The following POLRMT variants were observed in gnomAD, a reference collection of about 807,000 sequenced individuals.
The protein encoded by POLRMT is DNA-directed RNA polymerase, mitochondrial.
POLRMT carries 114 observed loss-of-function variants against 132.2 expected under a neutral mutation model. That is an observed-to-expected ratio of 0.86 (90% CI 0.74 to 1.01). The LOEUF is 1.01. POLRMT is among the 50% of genes least tolerant of loss of function. The probability of loss-of-function intolerance (pLI) is 0.00; values close to 1 mark genes in which losing one functional copy is unlikely to be tolerated. For synonymous variants in POLRMT, 1,020 were observed against 773.4 expected (o/e 1.32, Z -5.29); for missense variants, 2,003 against 1,729.1 (o/e 1.16, Z -2.81).
chr19:620,918 CGGGCAGGGGGCGCCAGGGGAGGGGGAGG>C, intron 10 of POLRMT, 112 bp downstream of exon 10: 2 of 115,372 alleles, frequency 1.7e-5, no homozygotes, highest in East Asian at 1.8e-4. Flanking sequence ...AGGAGGAAGA[CGGGCAGGGGGCGCCAGGGGAGGGGGAGG>C]GGAGGAGGAA....
At position 629,939 on chromosome 19, in the gene POLRMT, C is replaced by G. The variant is rs1292133164; in HGVS notation, c.423G>C (p.Lys141Asn). Residue 141 changes from lysine to asparagine, a missense_variant, in exon 3 of 21, where the codon AAG becomes AAC. Transcript: ENST00000588649. ...RTQQMRMQRL[K>N]AKLQMPFQSG... ...TCTGGAATGGCATCTGCAGCTTCGC[C>G]TTCAACCGCTGCATACGCATCTGCT... 1 of 1,613,766 alleles carries G rather than the reference C, an allele frequency of 6.2e-7. No individual in the cohort carries two copies. Among genetic ancestry groups the G allele is most frequent in the Non-Finnish European group, 8.5e-7 (1 of 1,180,026 alleles).
At position 630,062 on chromosome 19, in the gene POLRMT, G is replaced by A. The variant is rs765426213; in HGVS notation, c.300C>T (p.Ser100=). ...RLPECGSGDG[S]LQPPRKVQMG... ...TCTGGACCTTCCTGGGTGGCTGGAGGCTACCATCTCCACTGCCACATTCTG... is the reference window on the plus strand; with the variant it reads ...TCTGGACCTTCCTGGGTGGCTGGAGACTACCATCTCCACTGCCACATTCTG... The change falls in exon 3 of 21, where the codon AGC becomes AGT. Residue 100 remains serine (S), a synonymous_variant. Transcript: ENST00000588649. 12 of 1,613,828 alleles carry A rather than the reference G, an allele frequency of 7.4e-6. No homozygotes were observed. Among genetic ancestry groups the A allele is most frequent in the South Asian group, 3.3e-5 (3 of 91,082 alleles).
In POLRMT at chr19:622,890, C is replaced by T. The variant is rs1317681753; in HGVS notation, c.1386G>A (p.Glu462=). The T allele has an allele frequency of 4.3e-6, 7 of 1,611,696 alleles. No individual in the cohort carries two copies. The highest frequency in any genetic ancestry group is 1.1e-5 in the South Asian group (1 of 90,670). ...TKNRLEREVY[E]GRFSLYPFLC... ...GGAAGGGGTAAAGTGAGAACCGGCC[C>T]TCGTACACCTCGCGCTCTAGGCGGT... The change falls in exon 7 of 21, where the codon GAG becomes GAA. Residue 462 remains glutamate, a synonymous_variant. Coordinates refer to ENST00000588649, the MANE Select transcript of POLRMT (RefSeq NM_005035.4).
At chr19:632,093 T>C (rs1293005121) in intron 2 of POLRMT, among the ~76,000 whole-genome samples, 1 of 146,414 alleles carries the variant, frequency 6.8e-6, no homozygotes, top group Non-Finnish European at 1.5e-5. Flanking sequence ...GACCTCTTGA[T>C]CCGCCCACCT....
At chr19:628,727 G>A (rs969158238) in intron 3 of POLRMT, among the ~76,000 whole-genome samples, 3 of 152,124 alleles carry the variant, frequency 2.0e-5, no homozygotes, top group Admixed American at 6.5e-5. Flanking sequence ...AACTTTGGCC[G>A]GATACGGTGG....
chr19:617,929 G>C, intron 17 of POLRMT, 80 bp from the exon 18 acceptor site: 1 of 1,358,088 alleles, frequency 7.4e-7, no homozygotes, highest in Admixed American at 1.8e-5. Flanking sequence ...CCTGCGCTCA[G>C]CCCCCTCCAC....
intron 2 of POLRMT, among the ~76,000 whole-genome samples, chr19:631,338 A>AAGGGGG (rs764803872): frequency 8.8e-6 from 1 of 113,360 alleles, no homozygotes. Context: ...AAAAAAAAAA[A>AAGGGGG]GGGGGGGGGG....
chr19:624,229 T>C (rs1036685562), intron 5 of POLRMT, among the ~76,000 whole-genome samples: 4 of 152,034 alleles, frequency 2.6e-5, no homozygotes, highest in Non-Finnish European at 5.9e-5. Context: ...TCTCGCAGTG[T>C]GTGGTCCCAT....
At chr19:632,662 C>T (rs1222760874) in intron 2 of POLRMT, among the ~76,000 whole-genome samples, 172 bp downstream of exon 2, 1 of 152,182 alleles carries the variant, frequency 6.6e-6, no homozygotes, top group African/African-American at 2.4e-5. Context: ...TCAGCAAGGA[C>T]AGGGCCCATG....
In POLRMT at chr19:619,979, C is replaced by A. The variant is rs758500636; in HGVS notation, c.2865G>T (p.Val955=). 3.1e-6 allele frequency: 5 copies of A among 1,599,398 alleles called. No individual in the cohort carries two copies. The highest frequency in any genetic ancestry group is 4.2e-6 in the Non-Finnish European group (5 of 1,176,854). ...NLEPSDVPQD[V]YSGVAAQVEV... is the part of the protein sequence containing the mutation. ...CTACCTGCGCGGCCACGCCGCTGTA[C>A]ACGTCCTGCGGCACATCCGAGGGCT... The change falls in exon 12 of 21, where the codon GTG becomes GTT. Residue 955 remains valine (V), a synonymous_variant. Transcript: ENST00000588649.
In POLRMT at chr19:623,547, G is replaced by C. The variant is rs1473812128; in HGVS notation, c.1197C>G (p.Leu399=). 2 of 1,613,732 alleles carry C rather than the reference G, an allele frequency of 1.2e-6. No homozygotes were observed. The highest frequency in any genetic ancestry group is 1.7e-5 in the Admixed American group (1 of 60,026). Residue 399 remains leucine, a synonymous_variant, in exon 6 of 21, where the codon CTC becomes CTG. Coordinates refer to ENST00000588649, the MANE Select transcript of POLRMT (RefSeq NM_005035.4). The part of the protein sequence containing the change: ...LHLPLKTLQC[L]FEKQLHMELA... Reference sequence around the variant, plus strand: ...GCTCCATGTGGAGCTGCTTCTCAAAGAGGCACTGCAGGGTCTTCAAGGGCA... The same window carrying C: ...GCTCCATGTGGAGCTGCTTCTCAAACAGGCACTGCAGGGTCTTCAAGGGCA...
intron 4 of POLRMT, 90 bp downstream of exon 4, chr19:625,034 G>A: frequency 6.6e-7 from 1 of 1,524,666 alleles, no homozygotes; most frequent in Non-Finnish European, 8.8e-7. Flanking sequence ...CCCTCTGGGG[G>A]TCCCCAGCCC....
At position 632,406 on chromosome 19, in the gene POLRMT, G is replaced by A. The variant is rs149713869; in HGVS notation, c.193+428C>T. Among the ~76,000 whole-genome samples, 291 of 152,298 alleles carry A rather than the reference G, an allele frequency of 1.9e-3. 2 individuals carry two copies. Among genetic ancestry groups the A allele is most frequent in the South Asian group, 0.015 (71 of 4,820 alleles). On this transcript the variant is annotated intron_variant, in intron 2 of 20. Coordinates refer to ENST00000588649, the MANE Select transcript of POLRMT (RefSeq NM_005035.4). ...GAGGGCCTGCCACCGCTGGAGCCTGGGCTGTCCCTCCCAAGTTTCGCAGTC... is the reference window on the plus strand; with the variant it reads ...GAGGGCCTGCCACCGCTGGAGCCTGAGCTGTCCCTCCCAAGTTTCGCAGTC...
intron 16 of POLRMT, 30 bp downstream of exon 16, chr19:618,663 TCCAGACCCCCGG>T (rs762609531): frequency 3.5e-5 from 56 of 1,604,134 alleles, no homozygotes; most frequent in Non-Finnish European, 4.6e-5. Context: ...GTGGCTGCTC[TCCAGACCCCCGG>T]CCAGGCCCCA....
At chr19:618,038 A>G in intron 17 of POLRMT, 189 bp from the exon 18 acceptor site, 1 of 560,728 alleles carries the variant, frequency 1.8e-6, no homozygotes, top group Middle Eastern at 4.6e-4. Flanking sequence ...CAGGGGGAGG[A>G]AATGTTCCCA....
intron 3 of POLRMT, among the ~76,000 whole-genome samples, chr19:629,009 A>G (rs1369041359): frequency 2.0e-5 from 3 of 152,186 alleles, no homozygotes; most frequent in Admixed American, 2.0e-4. Context: ...CCAGAAAACA[A>G]ATAAATAAAC....
chr19:630,835 T>C (rs1985360571), intron 2 of POLRMT, among the ~76,000 whole-genome samples: 1 of 152,172 alleles, frequency 6.6e-6, no homozygotes, highest in African/African-American at 2.4e-5. Context: ...GCCTAAGTGT[T>C]CTGTATCTCT....
chr19:632,810 G>A (rs373111105), intron 2 of POLRMT, 24 bp downstream of exon 2: 106 of 1,525,130 alleles, frequency 7.0e-5, no homozygotes, highest in Non-Finnish European at 9.0e-5. Flanking sequence ...TCCTCTCCCG[G>A]GCCGCCGTGG....
chr19:629,035 G>A (rs1173817947), intron 3 of POLRMT, among the ~76,000 whole-genome samples: 2 of 152,002 alleles, frequency 1.3e-5, no homozygotes, highest in South Asian at 2.1e-4. Flanking sequence ...AAAAGAAAAC[G>A]GCAAGGGAAA....
Sources: allele counts gnomAD v4.1 joint callset (sites outside exome capture counted in the v4.1 genomes callset), GRCh38; gene constraint gnomAD v4.1.1; transcripts MANE v1.5; gene names NCBI Gene and HGNC (gene_info 2026-07-23, HGNC 2026-07-21).